The following USP54 variants were observed in gnomAD, a reference collection of about 807,000 sequenced individuals.
USP54 encodes ubiquitin specific peptidase 54.
Under a neutral mutation model 170.5 loss-of-function variants are expected in USP54, and 87 were observed. The observed-to-expected ratio is 0.51, with a 90% confidence interval of 0.43 to 0.61. The LOEUF (loss-of-function observed/expected upper bound fraction) is 0.61, where lower values mean the gene tolerates loss of function less well. Ranked by LOEUF, USP54 falls within the 20% of genes least tolerant of loss-of-function variation. USP54 has a pLI of 0.00. For missense variants in USP54, 1,786 were observed against 2,047.8 expected, an observed-to-expected ratio of 0.87 and a Z score of 2.47; for synonymous variants, 655 against 742.8, an observed-to-expected ratio of 0.88 and a Z score of 1.92.
intron 4 of USP54, among the ~76,000 whole-genome samples, chr10:73,560,165 A>G (rs1176923066): frequency 6.6e-6 from 1 of 152,238 alleles, no homozygotes; most frequent in Non-Finnish European, 1.5e-5. Flanking sequence ...ATTTAAGTAT[A>G]TAAAATTATA....
chr10:73,563,381 T>A (rs1217644591), intron 4 of USP54, among the ~76,000 whole-genome samples: 1 of 152,180 alleles, frequency 6.6e-6, no homozygotes, highest in East Asian at 1.9e-4. Context: ...TTTCCTATCC[T>A]GAGAAAGGCC....
rs117790731 is a variant in USP54, at chr10:73,603,675, G to A, written c.-18+21892C>T. ...AGGCAGGAGAAGCACTTTAACCCGG[G>A]AGGCAGAGGTGGCAGTGAGCCGAGA... On this transcript the variant is annotated intron_variant, in intron 1 of 22. Transcript: ENST00000339859. 1.2e-3 allele frequency among the ~76,000 whole-genome samples: 180 copies of A among 150,048 alleles called. 5 individuals are homozygous for A. The East Asian group carries it at 0.028, about 24-fold the overall frequency.
In USP54 at chr10:73,524,472, C is replaced by T. The variant is rs374371307; in HGVS notation, c.2195-722G>A. ...GCAGGCGCCTGTTATCCCAGCTACT[C>T]GGGAGGCTGAGGCAGGAGAATCACT... On this transcript the variant is annotated intron_variant, in intron 16 of 23. Transcript: ENST00000687698. 1.3e-4 allele frequency among the ~76,000 whole-genome samples: 19 copies of T among 151,964 alleles called. No homozygotes were observed. The South Asian group carries it at 2.3e-3, about 18-fold the overall frequency.
chr10:73,608,156 G>A (rs2079831358), intron 1 of USP54, among the ~76,000 whole-genome samples: 1 of 149,156 alleles, frequency 6.7e-6, no homozygotes. Flanking sequence ...GCTACTTCAG[G>A]GGATGAGACA....
chr10:73,614,534 T>C (rs1411179580), intron 1 of USP54, among the ~76,000 whole-genome samples: 3 of 114,178 alleles, frequency 2.6e-5, no homozygotes, highest in Admixed American at 2.6e-4. Flanking sequence ...CACTCCAGCC[T>C]AGGCAACAAA....
intron 4 of USP54, among the ~76,000 whole-genome samples, chr10:73,565,665 T>A (rs1357238994): frequency 6.6e-6 from 1 of 152,100 alleles, no homozygotes; most frequent in African/African-American, 2.4e-5. Context: ...CTGATCAGAG[T>A]ATACATGAGT....
chr10:73,548,585 T>A (rs1263393901), intron 4 of USP54, among the ~76,000 whole-genome samples: 4 of 152,080 alleles, frequency 2.6e-5, no homozygotes, highest in Non-Finnish European at 5.9e-5. Context: ...TGCAGGGACA[T>A]GGATGAAGCT....
upstream of USP54, chr10:73,591,450 C>G (rs1366076513): frequency 6.6e-6 from 1 of 152,234 alleles, no homozygotes; most frequent in Non-Finnish European, 1.5e-5. Context: ...ATCTAAACCA[C>G]AAGGACTTCC....
chr10:73,536,197 T>C, intron 11 of USP54, 72 bp downstream of exon 11: 1 of 1,568,602 alleles, frequency 6.4e-7, no homozygotes, highest in Non-Finnish European at 8.7e-7. Context: ...AAGCACATAA[T>C]TAACTATGAG....
At chr10:73,522,289 C>T (rs1307924710) in intron 17 of USP54, among the ~76,000 whole-genome samples, 2 of 152,192 alleles carry the variant, frequency 1.3e-5, no homozygotes, top group Non-Finnish European at 2.9e-5. Flanking sequence ...TGTATACAAC[C>T]TTTATAATCA....
At chr10:73,544,248 T>C (rs969420665) in intron 5 of USP54, among the ~76,000 whole-genome samples, 12 of 152,208 alleles carry the variant, frequency 7.9e-5, no homozygotes, top group Admixed American at 6.5e-4. Flanking sequence ...ATATAACCTT[T>C]TGATATTGCA....
intron 7 of USP54, 160 bp from the exon 8 acceptor site, chr10:73,541,898 C>T (rs777563574): frequency 3.1e-6 from 2 of 644,556 alleles, no homozygotes; most frequent in Non-Finnish European, 5.4e-6. Flanking sequence ...CAGTAAGTAC[C>T]TCTACCTGTC....
At chr10:73,504,633 C>T (rs531331265) in intron 22 of USP54, 21 of 624,254 alleles carry the variant, frequency 3.4e-5, no homozygotes, top group South Asian at 2.6e-4. Flanking sequence ...ACAACACGCA[C>T]GGCCTTTCAG....
intron 4 of USP54, among the ~76,000 whole-genome samples, chr10:73,559,095 A>C (rs2072062846): frequency 6.6e-6 from 1 of 152,170 alleles, no homozygotes; most frequent in African/African-American, 2.4e-5. Context: ...GAAAGTTTGG[A>C]GTTTCCTGTT....
intron 4 of USP54, among the ~76,000 whole-genome samples, chr10:73,556,854 T>G (rs2071216650): frequency 6.6e-6 from 1 of 152,096 alleles, no homozygotes; most frequent in South Asian, 2.1e-4. Context: ...ACAGGATACC[T>G]TATATACGAA....
intron 15 of USP54, among the ~76,000 whole-genome samples, chr10:73,527,318 T>C (rs1251451378): frequency 1.3e-5 from 2 of 151,774 alleles, no homozygotes; most frequent in Non-Finnish European, 2.9e-5. Flanking sequence ...GCCAACATGG[T>C]GAAACCCCAT....
intron 4 of USP54, among the ~76,000 whole-genome samples, chr10:73,557,325 A>ATTT (rs772475380): frequency 6.9e-6 from 1 of 145,374 alleles, no homozygotes. Flanking sequence ...AACTTCTTCA[A>ATTT]TTTTTTTTTT....
intron 1 of USP54, among the ~76,000 whole-genome samples, chr10:73,578,324 C>G (rs985453055): frequency 2.6e-5 from 4 of 152,164 alleles, no homozygotes; most frequent in African/African-American, 9.7e-5. Flanking sequence ...TTCTCCAATA[C>G]CATTTACTGA....
chr10:73,551,213 C>T (rs537221078), intron 4 of USP54, among the ~76,000 whole-genome samples: 29 of 152,310 alleles, frequency 1.9e-4, no homozygotes, highest in African/African-American at 5.8e-4. Context: ...GTGTAACCTG[C>T]TATTATGTTC....
Sources: gnomAD v4.1 joint callset for allele counts (sites outside exome capture counted in the v4.1 genomes callset) on GRCh38, gnomAD v4.1.1 for gene constraint, MANE v1.5 for transcripts, NCBI Gene and HGNC (gene_info 2026-07-23, HGNC 2026-07-21) for gene names.